The following GCNT1 variants were observed in gnomAD, a reference collection of about 807,000 sequenced individuals.
The protein encoded by GCNT1 is glucosaminyl (N-acetyl) transferase 1.
GCNT1 carries 16 observed loss-of-function variants against 26.2 expected under a neutral mutation model. The observed-to-expected ratio is 0.61, with a 90% CI of 0.41 to 0.93. The LOEUF is 0.93. Ranked by LOEUF, GCNT1 falls within the 40% of genes least tolerant of loss-of-function variation. GCNT1 has a pLI of 0.00. For synonymous variants in GCNT1, 183 were observed against 190.8 expected (o/e 0.96, Z 0.34); for missense variants, 477 against 526.7 (o/e 0.91, Z 0.92).
At chr9:76,418,489 G>A (rs1221288700), upstream of GCNT1, among the ~76,000 whole-genome samples, 2 of 152,096 alleles carry the variant, frequency 1.3e-5, no homozygotes, top group Admixed American at 6.6e-5. Context: ...TGAGAGGAGG[G>A]GGTCTATTCA....
chr9:76,477,201 C>G (rs1271761798), intron 2 of GCNT1, among the ~76,000 whole-genome samples: 1 of 151,960 alleles, frequency 6.6e-6, no homozygotes, highest in East Asian at 2.0e-4. Context: ...AGGCACGAGC[C>G]ACTGCGCCCA....
At chr9:76,494,950 A>G (rs768777858) in intron 2 of GCNT1, among the ~76,000 whole-genome samples, 11 of 152,170 alleles carry the variant, frequency 7.2e-5, no homozygotes, top group Non-Finnish European at 1.0e-4. Flanking sequence ...CAGGCAAACC[A>G]ACACTCCCAA....
intron 2 of GCNT1, among the ~76,000 whole-genome samples, chr9:76,484,309 G>T (rs1431251823): frequency 6.6e-6 from 1 of 151,622 alleles, no homozygotes. Context: ...GTTTGAGCCT[G>T]CAGTGAGCCA....
At chr9:76,446,490 A>G (rs1007012270) in intron 1 of GCNT1, among the ~76,000 whole-genome samples, 2 of 152,216 alleles carry the variant, frequency 1.3e-5, no homozygotes, top group Non-Finnish European at 2.9e-5. Flanking sequence ...TCTATTGCCA[A>G]TCATCTTCCC....
chr9:76,459,178 G>C (rs1823816208), upstream of GCNT1: 1 of 152,288 alleles, frequency 6.6e-6, no homozygotes, highest in African/African-American at 2.4e-5. Context: ...CCCCGGGGCG[G>C]GCCACGCTGG....
At chr9:76,447,784 T>A (rs1324212) in intron 1 of GCNT1, among the ~76,000 whole-genome samples, 42,398 of 152,090 alleles carry the variant, frequency 0.28, 6,252 homozygotes, top group Non-Finnish European at 0.32. Context: ...TGCTCAGCTT[T>A]AAAAAAACTC....
the GCNT1 span, among the ~76,000 whole-genome samples, chr9:76,397,912 A>G: frequency 6.6e-6 from 1 of 152,238 alleles, no homozygotes; most frequent in Non-Finnish European, 1.5e-5. Flanking sequence ...TGTAGGCTAT[A>G]GGATTTATAA....
chr9:76,457,495 C>T (rs778875650), upstream of GCNT1, among the ~76,000 whole-genome samples: 23 of 152,140 alleles, frequency 1.5e-4, 1 homozygote, highest in Non-Finnish European at 3.1e-4. Context: ...GTGATCCACC[C>T]ACCTCGGCCT....
chr9:76,426,344 G>C (rs1823257128), intron 1 of GCNT1, among the ~76,000 whole-genome samples: 1 of 152,114 alleles, frequency 6.6e-6, no homozygotes, highest in Non-Finnish European at 1.5e-5. Flanking sequence ...AATGTAGGAG[G>C]ACTGCTTGAG....
intron 2 of GCNT1, among the ~76,000 whole-genome samples, chr9:76,493,031 C>A (rs55658459): frequency 2.6e-5 from 4 of 152,090 alleles, no homozygotes; most frequent in Admixed American, 2.6e-4. Context: ...TCGAGGGAGT[C>A]GGGTGACAGG....
intron 2 of GCNT1, among the ~76,000 whole-genome samples, chr9:76,473,935 CA>C (rs1468646436): frequency 6.6e-6 from 1 of 152,072 alleles, no homozygotes; most frequent in Non-Finnish European, 1.5e-5. Context: ...CTTGCCTCTA[CA>C]AAAAATATAA....
intron 2 of GCNT1, among the ~76,000 whole-genome samples, chr9:76,472,546 GC>G (rs752556962): frequency 2.6e-5 from 4 of 152,084 alleles, no homozygotes; most frequent in Non-Finnish European, 4.4e-5. Context: ...GCAACTTGGG[GC>G]TAGATGGACT....
upstream of GCNT1, among the ~76,000 whole-genome samples, chr9:76,438,168 T>A (rs926056545): frequency 6.6e-6 from 1 of 152,336 alleles, no homozygotes. Flanking sequence ...CCAAGGTGGT[T>A]GGGGTACATC....
At chr9:76,461,883 C>T (rs76328371) in intron 2 of GCNT1, among the ~76,000 whole-genome samples, 16,676 of 152,178 alleles carry the variant, frequency 0.11, 1,041 homozygotes, top group Middle Eastern at 0.21. Flanking sequence ...AGTGAAGCTC[C>T]GTCTCAAAAC....
chr9:76,505,154 G>T lies in GCNT1; in HGVS notation c.*1486G>T. The T allele has an allele frequency of 2.5e-6, 1 of 403,692 alleles. No individual in the cohort carries two copies. Among genetic ancestry groups the T allele is most frequent in the East Asian group, 3.6e-5 (1 of 27,418 alleles). The allele number at this position is 403,692 out of a possible 1,614,324, so 25.0% of individuals were successfully genotyped here. A position where few individuals can be genotyped will look rare whatever the true frequency, so the allele number is the denominator to read the frequency against. On this transcript the variant is annotated 3_prime_UTR_variant, in exon 4 of 4. Transcript: ENST00000376730. The stretch of plus-strand genomic sequence containing the variant: ...TAAACAAGAATTAAAATCATGTGCT[G>T]TATTTTTAAAATCTAGCCAAATTAA...
At chr9:76,428,278 A>AAAAAAAAAAAAAT (rs1823284688) in intron 1 of GCNT1, among the ~76,000 whole-genome samples, 1 of 141,466 alleles carries the variant, frequency 7.1e-6, no homozygotes, top group Non-Finnish European at 1.5e-5. Context: ...AAAAAAAAAA[A>AAAAAAAAAAAAAT]AAAAAAAAAA....
chr9:76,402,084 A>C, the GCNT1 span, among the ~76,000 whole-genome samples: 51,184 of 152,102 alleles, frequency 0.34, 9,163 homozygotes, highest in Middle Eastern at 0.4. Context: ...AGTTGTCTTC[A>C]GTGGTTAACT....
chr9:76,412,987 TG>T, the GCNT1 span, among the ~76,000 whole-genome samples: 1 of 152,210 alleles, frequency 6.6e-6, no homozygotes, highest in South Asian at 2.1e-4. Context: ...CTTCAGCCCA[TG>T]GGTTCCTCAT....
At chr9:76,454,830 CTCTTT>C (rs1255672518), upstream of GCNT1, among the ~76,000 whole-genome samples, 22 of 146,138 alleles carry the variant, frequency 1.5e-4, no homozygotes, top group African/African-American at 4.5e-4. Flanking sequence ...TCAATTAAAC[CTCTTT>C]TCTTTTCTTT....
Sources: gnomAD v4.1 joint callset for allele counts (sites outside exome capture counted in the v4.1 genomes callset) on GRCh38, gnomAD v4.1.1 for gene constraint, MANE v1.5 for transcripts, NCBI Gene and HGNC (gene_info 2026-07-23, HGNC 2026-07-21) for gene names.